Variants in IFFO2 observed in about 807,000 individuals in gnomAD.
The protein encoded by IFFO2 is intermediate filament family orphan 2.
IFFO2 carries 19 observed loss-of-function variants against 53.5 expected under a neutral mutation model. The observed-to-expected ratio is 0.36, with a 90% confidence interval of 0.25 to 0.52. The LOEUF (loss-of-function observed/expected upper bound fraction) is 0.52, where lower values mean the gene tolerates loss of function less well. Ranked by LOEUF, IFFO2 falls within the 20% of genes least tolerant of loss-of-function variation. The probability of loss-of-function intolerance (pLI) is 0.94; values close to 1 mark genes in which losing one functional copy is unlikely to be tolerated. For missense variants in IFFO2, 570 were observed against 727.4 expected (o/e 0.78, Z 2.49); for synonymous variants, 303 against 313.6 (o/e 0.97, Z 0.36).
rs146114018 is a variant in IFFO2 at position 18,926,615 on chromosome 1, C to T, written c.666-5494G>A. 4.3e-3 allele frequency among the ~76,000 whole-genome samples: 656 copies of T among 152,280 alleles called. 3 individuals carry two copies. Among genetic ancestry groups the T allele is most frequent in the African/African-American group, 0.015 (616 of 41,548 alleles). The stretch of plus-strand genomic sequence containing the variant: ...GTGGTCTCTCCGCATTCCTGAGGAG[C>T]CACCACTGGAACCACGTGAGGGACG... On this transcript the variant is annotated intron_variant, in intron 1 of 8. Coordinates refer to ENST00000455833, the MANE Select transcript of IFFO2 (RefSeq NM_001136265.2).
chr1:18,924,006 A>T (rs1936249302), intron 1 of IFFO2, among the ~76,000 whole-genome samples: 2 of 152,148 alleles, frequency 1.3e-5, no homozygotes, highest in African/African-American at 4.8e-5. Flanking sequence ...TTTTATTTCC[A>T]AAGCCAGACG....
chr1:18,930,704 C>G (rs1230398000), intron 1 of IFFO2, among the ~76,000 whole-genome samples: 1 of 152,216 alleles, frequency 6.6e-6, no homozygotes, highest in Non-Finnish European at 1.5e-5. Context: ...GGTATTCACC[C>G]AGGCCAGCTG....
chr1:18,912,577 A>G (rs1038819579), intron 5 of IFFO2, among the ~76,000 whole-genome samples: 3 of 152,328 alleles, frequency 2.0e-5, no homozygotes, highest in African/African-American at 7.2e-5. Context: ...AGAATGCCGA[A>G]TGTTTCTGTT....
In IFFO2 at chr1:18,916,250, C is replaced by T. The variant is rs1364697248; in HGVS notation, c.1103+653G>A. Among the ~76,000 whole-genome samples the T allele has an allele frequency of 6.6e-6, 1 of 152,142 alleles. No individual in the cohort carries two copies. The highest frequency in any genetic ancestry group is 1.5e-5 in the Non-Finnish European group (1 of 68,026). Reference sequence around the variant, plus strand: ...CCCTGTATCTCATGGGCAAGAACACCCCTTCTCCCACCGCTTTTTTGGAGG... The same window carrying T: ...CCCTGTATCTCATGGGCAAGAACACTCCTTCTCCCACCGCTTTTTTGGAGG... On this transcript the variant is annotated intron_variant, in intron 5 of 8. Coordinates refer to ENST00000455833, the MANE Select transcript of IFFO2 (RefSeq NM_001136265.2). This position sits in a 1 kb window ranked among gnomAD's most constrained non-coding sequence, Gnocchi z 4.3.
chr1:18,912,493 T>G (rs1046426042), intron 5 of IFFO2, among the ~76,000 whole-genome samples: 2 of 152,142 alleles, frequency 1.3e-5, no homozygotes, highest in African/African-American at 4.8e-5. Context: ...ATTTTACAGA[T>G]GAAGAAATGG....
rs776946510 is a variant in IFFO2, at chr1:18,908,703, AGCCCTGG to A, written c.1449-44_1449-38del. The A allele has an allele frequency of 4.1e-6, 6 of 1,458,146 alleles. No homozygotes were observed. In the East Asian group the frequency reaches 9.9e-5, roughly 24 times the overall value. 90.3% of individuals were successfully genotyped at this position (1,458,146 alleles called of 1,614,324 possible). On this transcript the variant is annotated intron_variant, in intron 8 of 8. Transcript: ENST00000455833. ...AAGAGAGTGGGGAAATTCAGAGAGC[AGCCCTGG>A]GCCTCTGAAGGGTCAAGGAGTGGGA...
At chr1:18,951,715 G>A (rs1936662008) in intron 1 of IFFO2, among the ~76,000 whole-genome samples, 1 of 152,200 alleles carries the variant, frequency 6.6e-6, no homozygotes, top group Non-Finnish European at 1.5e-5. Flanking sequence ...TCCTTCCTTG[G>A]AGCCAATGAA....
At chr1:18,955,613 C>T in intron 1 of IFFO2, 55 bp downstream of exon 1, 3 of 1,504,740 alleles carry the variant, frequency 2.0e-6, no homozygotes, top group South Asian at 2.5e-5. Flanking sequence ...CATTCCGCGG[C>T]AGCCTGGACC....
Position 18,916,878 on chromosome 1 carries a change from G to A in IFFO2, c.1103+25C>T. On this transcript the variant is annotated intron_variant, in intron 5 of 8. Coordinates refer to ENST00000455833, the MANE Select transcript of IFFO2 (RefSeq NM_001136265.2). This position sits in a 1 kb window ranked among gnomAD's most constrained non-coding sequence, Gnocchi z 4.3. ...TGCAAGCAATCCGGGGAAACGGAGAGTGTGCGGGCCACGGGGATACTCACA... is the reference window on the plus strand; with the variant it reads ...TGCAAGCAATCCGGGGAAACGGAGAATGTGCGGGCCACGGGGATACTCACA... 2 of 1,551,110 alleles carry A rather than the reference G, an allele frequency of 1.3e-6. No individual in the cohort carries two copies. The highest frequency in any genetic ancestry group is 1.7e-6 in the Non-Finnish European group (2 of 1,146,528).
chr1:18,913,622 C>T (rs1255706564), intron 5 of IFFO2, among the ~76,000 whole-genome samples: 8 of 152,202 alleles, frequency 5.3e-5, no homozygotes, highest in Non-Finnish European at 1.2e-4. Context: ...ACAACTGTAA[C>T]ACGGCTGCAT....
chr1:18,926,799 C>T (rs570431423), intron 1 of IFFO2, among the ~76,000 whole-genome samples: 9 of 151,730 alleles, frequency 5.9e-5, no homozygotes, highest in African/African-American at 1.2e-4. Flanking sequence ...TACAGAGGGG[C>T]GGAAACCCAA....
chr1:18,921,574 G>C (rs912132833), intron 1 of IFFO2, among the ~76,000 whole-genome samples: 2 of 152,174 alleles, frequency 1.3e-5, no homozygotes, highest in Non-Finnish European at 2.9e-5. Context: ...TAAGCATTGC[G>C]ATGCCCGACA....
At chr1:18,911,507 T>TTTGA (rs1936037725) in intron 6 of IFFO2, 31 bp from the exon 7 acceptor site, 1 of 525,684 alleles carries the variant, frequency 1.9e-6, no homozygotes, top group African/African-American at 2.1e-5. Flanking sequence ...GGACAGTTTA[T>TTTGA]TTTATTTATT....
At chr1:18,954,621 T>C (rs1039596889) in intron 1 of IFFO2, among the ~76,000 whole-genome samples, 1 of 152,244 alleles carries the variant, frequency 6.6e-6, no homozygotes, top group African/African-American at 2.4e-5. Flanking sequence ...CAGCCAGGCC[T>C]GAGATGCCAA....
chr1:18,946,409 CTTTTTTTTTTTT>C (rs71577809), intron 1 of IFFO2, among the ~76,000 whole-genome samples: 2 of 96,542 alleles, frequency 2.1e-5, no homozygotes, highest in African/African-American at 4.0e-5. Flanking sequence ...TTGCCACTTT[CTTTTTTTTTTTT>C]TTTTTTTTTT....
At position 18,908,653 on chromosome 1, in the gene IFFO2, G is replaced by A. The variant is rs1375159075; in HGVS notation, c.1462C>T (p.Pro488Ser). 6.4e-7 allele frequency: 1 copy of A among 1,551,334 alleles called. No individual in the cohort carries two copies. The highest frequency in any genetic ancestry group is 1.4e-5 in the African/African-American group (1 of 73,044). ...GAGTCGCTGCTGGCCACGGAGCTGG[G>A]GGACGGTGAATTCCTGAGAAGCACA... ...KGSADRNSPS[P>S]SSVASSDSGS... Residue 488 changes from proline (P) to serine (S), a missense_variant, in exon 9 of 9, where the codon CCC (proline) becomes TCC (serine). Physicochemically the swap from Pro to Ser is moderately conservative, Grantham distance 74 (BLOSUM62 -1). Coordinates refer to ENST00000455833, the MANE Select transcript of IFFO2 (RefSeq NM_001136265.2).
chr1:18,916,529 GC>G lies in IFFO2; in HGVS notation c.1103+373del, dbSNP rs1310698626. 6.6e-6 allele frequency among the ~76,000 whole-genome samples: 1 copy of G among 152,214 alleles called. No individual in the cohort carries two copies. Among genetic ancestry groups the G allele is most frequent in the Non-Finnish European group, 1.5e-5 (1 of 68,034 alleles). The stretch of plus-strand genomic sequence containing the variant: ...GCCTGTAATCCCAGCACTTTGGGAG[GC>G]CAAGGCAGAAGCATCGCTTGAGCTC... On this transcript the variant is annotated intron_variant, in intron 5 of 8. Coordinates refer to ENST00000455833, the MANE Select transcript of IFFO2 (RefSeq NM_001136265.2). The surrounding 1 kb of genome is among the most constrained non-coding windows in gnomAD (Gnocchi z 4.3).
rs554640110 is a variant in IFFO2, at chr1:18,943,577, G to A, written c.665+12091C>T. Among the ~76,000 whole-genome samples the A allele has an allele frequency of 3.3e-5, 5 of 152,322 alleles. No homozygotes were observed. The East Asian group carries it at 9.7e-4, about 29-fold the overall frequency. On this transcript the variant is annotated intron_variant, in intron 1 of 8. Coordinates refer to ENST00000455833, the MANE Select transcript of IFFO2 (RefSeq NM_001136265.2). ...CCAGGGCTTAACCCAGAGATAAGGA[G>A]ACAGGGCAGCCTTTCCTGAATCAGG...
At chr1:18,924,495 G>A (rs1557642652) in intron 1 of IFFO2, among the ~76,000 whole-genome samples, 1 of 152,200 alleles carries the variant, frequency 6.6e-6, no homozygotes, top group Non-Finnish European at 1.5e-5. Context: ...ACCAAGAGGC[G>A]GGTGCACCTA....
Sources: gnomAD v4.1 joint callset for allele counts (sites outside exome capture counted in the v4.1 genomes callset) on GRCh38, gnomAD v4.1.1 for gene constraint, Gnocchi (gnomAD v3.1) non-coding constraint, MANE v1.5 for transcripts, NCBI Gene and HGNC (gene_info 2026-07-23, HGNC 2026-07-21) for gene names.